Variants in MYO10 observed in about 807,000 individuals in gnomAD.
MYO10 encodes the protein myosin X.
Under a neutral mutation model 257.3 loss-of-function variants are expected in MYO10, and 133 were observed. The ratio of observed to expected loss-of-function variants is 0.52; its 90% CI spans 0.45 to 0.60. MYO10 has a LOEUF of 0.60. Among genes scored for constraint, MYO10 ranks in the 20% least tolerant of loss-of-function variants. The pLI is 0.00. For synonymous variants in MYO10, 1,104 were observed against 1,028.6 expected, an observed-to-expected ratio of 1.07 and a Z score of -1.40; for missense variants, 2,399 against 2,635.7, an observed-to-expected ratio of 0.91 and a Z score of 1.97.
At chr5:16,843,670 A>T (rs1743549744) in intron 2 of MYO10, among the ~76,000 whole-genome samples, 1 of 152,232 alleles carries the variant, frequency 6.6e-6, no homozygotes, top group South Asian at 2.1e-4. Context: ...CTAAAAATCA[A>T]GTTAAAATGA....
intron 37 of MYO10, 135 bp downstream of exon 37, chr5:16,672,554 G>T: frequency 2.1e-6 from 2 of 973,446 alleles, no homozygotes; most frequent in Non-Finnish European, 3.0e-6. Flanking sequence ...AGTTAAACAG[G>T]CATCAACACA....
chr5:16,823,754 G>C (rs58671291), intron 2 of MYO10, among the ~76,000 whole-genome samples: 1 of 149,020 alleles, frequency 6.7e-6, no homozygotes, highest in Non-Finnish European at 1.5e-5. Flanking sequence ...TTACAGGCGT[G>C]AGCCACTGCG....
In MYO10 at chr5:16,701,538, A is replaced by G. The variant is rs1226948353; in HGVS notation, c.2857T>C (p.Cys953Arg). The G allele has an allele frequency of 6.2e-7, 1 of 1,613,040 alleles. No individual in the cohort carries two copies. The highest frequency in any genetic ancestry group is 1.3e-5 in the African/African-American group (1 of 74,604). The change falls in exon 25 of 41, where the codon TGT (cysteine) becomes CGT (arginine). Residue 953 changes from cysteine to arginine, a missense_variant. Transcript: ENST00000513610. The surrounding 1 kb of genome is among the most constrained non-coding windows in gnomAD (Gnocchi z 8.1). ...ESLNFDEIDECVRNIERSLSV... is the reference protein window; with the variant it reads ...ESLNFDEIDERVRNIERSLSV... Reference sequence around the variant, plus strand: ...AGGGACCGCTCGATATTCCGGACACACTCGTCGATCTCGTCGAAATTGAGG... The same window carrying G: ...AGGGACCGCTCGATATTCCGGACACGCTCGTCGATCTCGTCGAAATTGAGG...
intron 3 of MYO10, among the ~76,000 whole-genome samples, chr5:16,804,867 G>T (rs1459395394): frequency 6.6e-6 from 1 of 152,050 alleles, no homozygotes; most frequent in Non-Finnish European, 1.5e-5. Context: ...AGTGAGCCAT[G>T]ACCACTGCAC....
At chr5:16,893,643 A>AAAAAG (rs1554006823) in intron 1 of MYO10, among the ~76,000 whole-genome samples, 1 of 147,936 alleles carries the variant, frequency 6.8e-6, no homozygotes, top group African/African-American at 2.6e-5. Flanking sequence ...CAAAAAAAAA[A>AAAAAG]AAAAAAAAAG....
chr5:16,748,169 G>A (rs982655826), intron 19 of MYO10, among the ~76,000 whole-genome samples: 4 of 151,882 alleles, frequency 2.6e-5, no homozygotes, highest in Non-Finnish European at 4.4e-5. Context: ...TCCCAGGCTC[G>A]GATGATCCTC....
At chr5:16,689,780 G>A in intron 28 of MYO10, 44 bp downstream of exon 28, 1 of 1,470,784 alleles carries the variant, frequency 6.8e-7, no homozygotes. Context: ...CTGTGCATGA[G>A]GGAGCAGGAT....
intron 2 of MYO10, among the ~76,000 whole-genome samples, chr5:16,820,880 C>CATCTTATATGTAATACATAT (rs1195582408): frequency 6.7e-6 from 1 of 148,814 alleles, no homozygotes; most frequent in Non-Finnish European, 1.5e-5. Flanking sequence ...ACATATAAAA[C>CATCTTATATGTAATACATAT]ATCTTATATG....
At position 16,711,027 on chromosome 5, in the gene MYO10, A is replaced by C; in HGVS notation, c.2055-5T>G. 6.2e-7 allele frequency: 1 copy of C among 1,614,004 alleles called. No homozygotes were observed. The highest frequency in any genetic ancestry group is 1.7e-5 in the Admixed American group (1 of 60,022). On this transcript the variant is annotated splice_region_variant and splice_polypyrimidine_tract_variant and intron_variant, in intron 20 of 40. Transcript: ENST00000513610. Reference sequence around the variant, plus strand: ...TTCCTCATCAGCACTTTATACCTGCAACGTGAAGACACACAGGGTCACCTT... The same window carrying C: ...TTCCTCATCAGCACTTTATACCTGCCACGTGAAGACACACAGGGTCACCTT...
intron 19 of MYO10, among the ~76,000 whole-genome samples, chr5:16,729,479 TCTCA>T (rs1190047105): frequency 6.7e-6 from 1 of 148,368 alleles, no homozygotes; most frequent in African/African-American, 2.5e-5. Flanking sequence ...TGAGACGGAG[TCTCA>T]CTGTGTCACC....
intron 2 of MYO10, among the ~76,000 whole-genome samples, chr5:16,838,321 G>T (rs1328485013): frequency 6.6e-6 from 1 of 152,202 alleles, no homozygotes; most frequent in African/African-American, 2.4e-5. Flanking sequence ...GTGAACAAAT[G>T]AATGAAAAGA....
Position 16,668,423 on chromosome 5 carries a change from C to A in MYO10, c.5929G>T (p.Ala1977Ser). 5.6e-6 allele frequency: 9 copies of A among 1,613,272 alleles called. No homozygotes were observed. The highest frequency in any genetic ancestry group is 7.6e-6 in the Non-Finnish European group (9 of 1,179,590). ...FPQELWLGVS[A>S]DAVSVYKRGE... The stretch of plus-strand genomic sequence containing the variant: ...CGCTTGTAGACGGAGACGGCGTCCG[C>A]GCTGACACCCAACCAGAGTTCCTGA... Residue 1977 changes from alanine (A) to serine (S), a missense_variant, in exon 40 of 41, where the codon GCG becomes TCG. Ala to Ser is a moderately conservative substitution (Grantham distance 99). This residue lies in a region of MYO10 where 1,820 missense variants were observed against 1,939.4 expected (regional missense o/e 0.94). Coordinates refer to ENST00000513610, the MANE Select transcript of MYO10 (RefSeq NM_012334.3).
intron 2 of MYO10, among the ~76,000 whole-genome samples, chr5:16,866,806 T>A (rs1433596883): frequency 6.6e-6 from 1 of 152,224 alleles, no homozygotes; most frequent in African/African-American, 2.4e-5. Flanking sequence ...AACCACACTA[T>A]GTTTGCATTA....
chr5:16,766,435 T>A lies in MYO10; in HGVS notation c.1061-237A>T, dbSNP rs1014565559. Reference sequence around the variant, plus strand: ...GTGTCCCCAAGATCCTGTCAGAGATTTGCAACTCCTTTTTTTTGAGACGGA... The same window carrying A: ...GTGTCCCCAAGATCCTGTCAGAGATATGCAACTCCTTTTTTTTGAGACGGA... On this transcript the variant is annotated intron_variant, in intron 10 of 40. Coordinates refer to ENST00000513610, the MANE Select transcript of MYO10 (RefSeq NM_012334.3). Among the ~76,000 whole-genome samples, 14 of 152,270 alleles carry A rather than the reference T, an allele frequency of 9.2e-5. No individual in the cohort carries two copies. The East Asian group carries it at 2.3e-3, about 25-fold the overall frequency.
chr5:16,753,162 G>A (rs542348268), intron 19 of MYO10, among the ~76,000 whole-genome samples: 1 of 152,168 alleles, frequency 6.6e-6, no homozygotes, highest in South Asian at 2.1e-4. Flanking sequence ...GTTTTTTGTT[G>A]TTGTTGTTTT....
chr5:16,680,228 C>T (rs1395521699), intron 32 of MYO10, 124 bp from the exon 33 acceptor site: 2 of 1,198,310 alleles, frequency 1.7e-6, no homozygotes, highest in Non-Finnish European at 2.3e-6. Context: ...TGGCTTAATT[C>T]CTACATGTGT....
chr5:16,811,011 G>A (rs113873651), intron 3 of MYO10, among the ~76,000 whole-genome samples: 2,090 of 147,256 alleles, frequency 0.014, 55 homozygotes, highest in African/African-American at 0.05. Flanking sequence ...AGAGGTTGCA[G>A]TGAGCCGACA....
chr5:16,792,775 G>A lies in MYO10; in HGVS notation c.467+1871C>T, dbSNP rs1053501131. 2.6e-5 allele frequency among the ~76,000 whole-genome samples: 4 copies of A among 152,152 alleles called. 1 individual carries two copies. Among genetic ancestry groups the A allele is most frequent in the African/African-American group, 9.7e-5 (4 of 41,440 alleles). ...TGCTCACAGGCCCACTTGGCTGGGA[G>A]TCTTAGGCTGACATATGGCTCTCCA... On this transcript the variant is annotated intron_variant, in intron 4 of 40. Coordinates refer to ENST00000513610, the MANE Select transcript of MYO10 (RefSeq NM_012334.3).
Position 16,852,322 on chromosome 5 carries a change from C to T in MYO10, c.120+25287G>A, listed in dbSNP as rs116040035. Among the ~76,000 whole-genome samples the T allele has an allele frequency of 2.7e-3, 409 of 151,482 alleles. 1 individual carries two copies. Among genetic ancestry groups the T allele is most frequent in the African/African-American group, 9.4e-3 (388 of 41,342 alleles). ...TTTATTATTGCTGTCACTGAATGTG[C>T]AAAGGGGCTTAATCGTAGATGTATA... On this transcript the variant is annotated intron_variant, in intron 2 of 40. Coordinates refer to ENST00000513610, the MANE Select transcript of MYO10 (RefSeq NM_012334.3).
Sources: allele counts gnomAD v4.1 joint callset (sites outside exome capture counted in the v4.1 genomes callset), GRCh38; gene constraint gnomAD v4.1.1; regional missense constraint gnomAD v4.1.1; non-coding constraint Gnocchi (gnomAD v3.1); transcripts MANE v1.5; gene names NCBI Gene and HGNC (gene_info 2026-07-23, HGNC 2026-07-21).